DOCK3: variants seen among roughly 807,000 people sequenced by gnomAD.
The protein encoded by DOCK3 is dedicator of cytokinesis protein 3.
Under a neutral mutation model 265.6 loss-of-function variants are expected in DOCK3, and 60 were observed. The ratio of observed to expected loss-of-function variants is 0.23; its 90% CI spans 0.18 to 0.28. The LOEUF is 0.28. DOCK3 is among the 10% of genes least tolerant of loss of function. The pLI, the probability that DOCK3 is intolerant of heterozygous loss-of-function variation, is 1.00. For missense variants in DOCK3, 1,981 were observed against 2,594.3 expected (o/e 0.76, Z 5.14); for synonymous variants, 881 against 938.0 (o/e 0.94, Z 1.11).
intron 1 of DOCK3, among the ~76,000 whole-genome samples, chr3:50,693,565 T>C (rs1160342169): frequency 8.2e-6 from 1 of 122,462 alleles, no homozygotes; most frequent in Non-Finnish European, 1.6e-5. Flanking sequence ...AGACAGAGTC[T>C]CACTCTGTCG....
chr3:51,109,021 C>G (rs2083403739), intron 9 of DOCK3, among the ~76,000 whole-genome samples: 1 of 152,180 alleles, frequency 6.6e-6, no homozygotes, highest in Non-Finnish European at 1.5e-5. Flanking sequence ...CAACACTGGA[C>G]CAAATGGATG....
chr3:51,075,277 G>T, intron 6 of DOCK3, 79 bp from the exon 7 acceptor site: 1 of 1,208,838 alleles, frequency 8.3e-7, no homozygotes, highest in Non-Finnish European at 1.2e-6. Flanking sequence ...GATGTGGCAG[G>T]TATGGGTTCC....
chr3:51,068,526 C>T (rs1456668127), intron 6 of DOCK3, among the ~76,000 whole-genome samples: 8 of 113,278 alleles, frequency 7.1e-5, no homozygotes, highest in African/African-American at 1.7e-4. Context: ...GGCGACAGAG[C>T]GAGACTCCGT....
At chr3:50,880,302 C>T (rs1447205028) in intron 3 of DOCK3, among the ~76,000 whole-genome samples, 1 of 151,568 alleles carries the variant, frequency 6.6e-6, no homozygotes. Context: ...GAGATAGAGA[C>T]ACAAAAAACC....
intron 2 of DOCK3, among the ~76,000 whole-genome samples, chr3:50,803,279 A>G (rs1366209273): frequency 7.2e-5 from 11 of 152,060 alleles, no homozygotes; most frequent in Non-Finnish European, 1.6e-4. Context: ...GATGACTCTT[A>G]ACGAGCATGC....
At chr3:51,111,606 A>G (rs1187768090) in intron 9 of DOCK3, among the ~76,000 whole-genome samples, 3 of 152,160 alleles carry the variant, frequency 2.0e-5, no homozygotes, top group Non-Finnish European at 4.4e-5. Flanking sequence ...ACTTAAATAT[A>G]AAAACCCTGG....
chr3:51,267,085 C>T (rs909180816), intron 23 of DOCK3, among the ~76,000 whole-genome samples: 1 of 152,122 alleles, frequency 6.6e-6, no homozygotes, highest in Non-Finnish European at 1.5e-5. Flanking sequence ...CATCACTGGT[C>T]ATTAGAGAAA....
chr3:50,879,419 A>G (rs1024651289), intron 3 of DOCK3, among the ~76,000 whole-genome samples: 3 of 151,768 alleles, frequency 2.0e-5, no homozygotes, highest in African/African-American at 7.3e-5. Flanking sequence ...GCTCAAAATA[A>G]AGGGATGGAG....
At chr3:50,904,720 A>G (rs1437967131) in intron 4 of DOCK3, among the ~76,000 whole-genome samples, 1 of 152,054 alleles carries the variant, frequency 6.6e-6, no homozygotes, top group Non-Finnish European at 1.5e-5. Flanking sequence ...CCCATTCTGT[A>G]GGTTGCCTGT....
In DOCK3 at chr3:50,851,652, G is replaced by C. The variant is rs1247177687; in HGVS notation, c.162+9937G>C. Among the ~76,000 whole-genome samples, 3 of 152,170 alleles carry C rather than the reference G, an allele frequency of 2.0e-5. 1 individual carries two copies. Among genetic ancestry groups the C allele is most frequent in the Middle Eastern group, 6.3e-3 (2 of 316 alleles). ...AATGGCACATGCAGAATGGTTCCAG[G>C]TCACCAAGCTGGCCCTGGCTGCCTG... On this transcript the variant is annotated intron_variant, in intron 3 of 52. Coordinates refer to ENST00000266037, the MANE Select transcript of DOCK3 (RefSeq NM_004947.5).
rs2081618098 is a variant in DOCK3 at position 51,289,641 on chromosome 3, T to C, written c.2922+9437T>C. 2.0e-5 allele frequency among the ~76,000 whole-genome samples: 3 copies of C among 152,206 alleles called. No individual in the cohort carries two copies. In the South Asian group the frequency reaches 6.2e-4, roughly 32 times the overall value. On this transcript the variant is annotated intron_variant, in intron 27 of 52. Coordinates refer to ENST00000266037, the MANE Select transcript of DOCK3 (RefSeq NM_004947.5). ...GGAGTTCCTGAATGGATTTTTTTTT[T>C]TTAAGACCCAACTATATGCTGCCTA...
intron 33 of DOCK3, 95 bp downstream of exon 33, chr3:51,330,318 A>G: frequency 7.9e-7 from 1 of 1,271,250 alleles, no homozygotes; most frequent in Non-Finnish European, 1.1e-6. Flanking sequence ...CAGGCTTTAG[A>G]GGTTGGTCAT....
chr3:51,183,004 T>C (rs2087393256), intron 12 of DOCK3, among the ~76,000 whole-genome samples: 1 of 152,194 alleles, frequency 6.6e-6, no homozygotes, highest in Admixed American at 6.5e-5. Flanking sequence ...AATGTATGCA[T>C]CTGGTTTCCT....
chr3:51,362,580 G>T lies in DOCK3; in HGVS notation c.5199G>T (p.Leu1733=), dbSNP rs756625839. 6.8e-6 allele frequency: 11 copies of T among 1,613,970 alleles called. No homozygotes were observed. Among genetic ancestry groups the T allele is most frequent in the Non-Finnish European group, 7.6e-6 (9 of 1,179,872 alleles). ...GCTCAGTCACCAACGTCTCTGTTCT[G>T]TCCTCGTCCCAGGCAAGCCCTTCTT... The part of the protein sequence containing the change: ...YQGSVTNVSV[L]SSSQASPSSS... The change falls in exon 49 of 53, where the codon CTG becomes CTT. Residue 1733 remains leucine, a synonymous_variant. Coordinates refer to ENST00000266037, the MANE Select transcript of DOCK3 (RefSeq NM_004947.5).
At chr3:51,224,125 C>T (rs1309573404) in intron 14 of DOCK3, among the ~76,000 whole-genome samples, 1 of 152,196 alleles carries the variant, frequency 6.6e-6, no homozygotes, top group Non-Finnish European at 1.5e-5. Flanking sequence ...TTCATGGTAA[C>T]CTCAAGGTTG....
At chr3:50,821,535 C>T (rs937556867) in intron 2 of DOCK3, among the ~76,000 whole-genome samples, 3 of 152,206 alleles carry the variant, frequency 2.0e-5, no homozygotes, top group South Asian at 2.1e-4. Flanking sequence ...CTCCTGACCT[C>T]GTGATCCGCC....
intron 12 of DOCK3, among the ~76,000 whole-genome samples, chr3:51,176,657 C>T (rs2086974026): frequency 6.6e-6 from 1 of 151,918 alleles, no homozygotes; most frequent in South Asian, 2.1e-4. Context: ...AAAGAGTAGG[C>T]AAACATAGAG....
chr3:50,937,440 G>A (rs1361579648), intron 5 of DOCK3, among the ~76,000 whole-genome samples: 1 of 152,082 alleles, frequency 6.6e-6, no homozygotes, highest in East Asian at 1.9e-4. Flanking sequence ...AGATCACGAG[G>A]TCAGGAGATT....
At chr3:50,704,020 ATTTC>A (rs1404766038) in intron 1 of DOCK3, among the ~76,000 whole-genome samples, 1 of 151,680 alleles carries the variant, frequency 6.6e-6, no homozygotes, top group Non-Finnish European at 1.5e-5. Context: ...TTTCTTCCTA[ATTTC>A]TTTATTGACC....
Sources: allele counts gnomAD v4.1 joint callset (sites outside exome capture counted in the v4.1 genomes callset), GRCh38; gene constraint gnomAD v4.1.1; transcripts MANE v1.5; gene names NCBI Gene and HGNC (gene_info 2026-07-23, HGNC 2026-07-21).